EML6: variants seen among roughly 807,000 people sequenced by gnomAD.
EML6 encodes the protein EMAP like 6, also known as echinoderm microtubule-associated protein-like 6.
EML6 carries 154 observed loss-of-function variants against 240.1 expected under a neutral mutation model. The ratio of observed to expected loss-of-function variants is 0.64; its 90% CI spans 0.56 to 0.73. The LOEUF (loss-of-function observed/expected upper bound fraction) is 0.73. Among genes scored for constraint, EML6 ranks in the 30% least tolerant of loss-of-function variants. EML6 has a pLI of 0.00. For missense variants in EML6, 2,964 were observed against 2,474.6 expected (o/e 1.20, Z -4.20); for synonymous variants, 1,148 against 899.0 (o/e 1.28, Z -4.95).
chr2:54,869,204 A>G lies in EML6; in HGVS notation c.2075A>G (p.Asn692Ser). Residue 692 changes from asparagine (N) to serine (S), a missense_variant, in exon 15 of 42, where the codon AAC becomes AGC. Asn to Ser is a conservative substitution (Grantham distance 46). Coordinates refer to ENST00000356458, the MANE Select transcript of EML6 (RefSeq NM_001039753.4). ...AGTTATAGAGGCTACGACTGTAGAA[A>G]CAATCTGTTCTACACACAAGCTGGA... The part of the protein sequence containing the change: ...IHGYRGYDCR[N>S]NLFYTQAGEV... 2 of 1,551,064 alleles carry G rather than the reference A, an allele frequency of 1.3e-6. No individual in the cohort carries two copies. Among genetic ancestry groups the G allele is most frequent in the South Asian group, 1.2e-5 (1 of 84,018 alleles).
At chr2:54,950,890 T>TC (rs1355593425) in intron 30 of EML6, 111 bp downstream of exon 30, 3 of 1,127,942 alleles carry the variant, frequency 2.7e-6, no homozygotes, top group South Asian at 1.6e-5. Context: ...ATAGAGCCAT[T>TC]CCCCCCAATT....
At position 54,844,226 on chromosome 2, in the gene EML6, G is replaced by T. The variant is rs1186363526; in HGVS notation, c.1027G>T (p.Gly343Cys). The T allele has an allele frequency of 6.4e-7, 1 of 1,551,670 alleles. No individual in the cohort carries two copies. The highest frequency in any genetic ancestry group is 8.7e-7 in the Non-Finnish European group (1 of 1,146,976). Residue 343 changes from glycine (G) to cysteine (C), a missense_variant, in exon 8 of 42, where the codon GGC becomes TGC. Transcript: ENST00000356458. ...LHPKKPLAVT[G>C]SDDRSVRLWS... ...CCCCAAGAAGCCTCTGGCTGTGACAGGCAGCGATGACCGCTCTGTCAGGTG... is the reference window on the plus strand; with the variant it reads ...CCCCAAGAAGCCTCTGGCTGTGACATGCAGCGATGACCGCTCTGTCAGGTG...
intron 41 of EML6, 59 bp downstream of exon 41, chr2:54,968,827 T>A (rs1198969619): frequency 3.3e-6 from 3 of 915,408 alleles, no homozygotes; most frequent in African/African-American, 1.6e-5. Flanking sequence ...TCCCTCCCCA[T>A]CTCAGGCATC....
At chr2:54,915,172 G>A (rs1393575575) in intron 25 of EML6, among the ~76,000 whole-genome samples, 1 of 152,170 alleles carries the variant, frequency 6.6e-6, no homozygotes. Flanking sequence ...TCCATTTTAA[G>A]TGCAATTTCT....
chr2:54,871,308 A>G (rs577868735), intron 15 of EML6, among the ~76,000 whole-genome samples, 192 bp from the exon 16 acceptor site: 1 of 152,354 alleles, frequency 6.6e-6, no homozygotes, highest in African/African-American at 2.4e-5. Flanking sequence ...TTGCCAGGAC[A>G]AGCCTCTTAG....
chr2:54,879,478 C>T, intron 16 of EML6, 69 bp from the exon 17 acceptor site: 1 of 994,912 alleles, frequency 1.0e-6, no homozygotes, highest in South Asian at 1.4e-5. Flanking sequence ...ACTTATTCCT[C>T]TTTACAGTGT....
intron 21 of EML6, among the ~76,000 whole-genome samples, chr2:54,897,041 C>G (rs993807557): frequency 2.0e-5 from 3 of 151,460 alleles, no homozygotes; most frequent in Non-Finnish European, 4.4e-5. Context: ...CAAACTAAAT[C>G]TTTTTTTTTC....
At chr2:54,966,278 G>A (rs1676743498) in intron 38 of EML6, among the ~76,000 whole-genome samples, 1 of 152,250 alleles carries the variant, frequency 6.6e-6, no homozygotes, top group Non-Finnish European at 1.5e-5. Context: ...TCTGCAGGGT[G>A]TGTAGGTGTT....
At chr2:54,901,296 G>T (rs186600162) in intron 22 of EML6, among the ~76,000 whole-genome samples, 1 of 152,216 alleles carries the variant, frequency 6.6e-6, no homozygotes, top group Non-Finnish European at 1.5e-5. Context: ...CCTCTGCCGT[G>T]TTGCCTGTCT....
chr2:54,919,767 C>G (rs976976112), intron 26 of EML6, among the ~76,000 whole-genome samples: 1 of 152,196 alleles, frequency 6.6e-6, no homozygotes, highest in African/African-American at 2.4e-5. Context: ...ACTTCCCCTA[C>G]CTGACAAGGT....
chr2:54,913,596 G>A (rs922461505), intron 25 of EML6, among the ~76,000 whole-genome samples: 105 of 152,094 alleles, frequency 6.9e-4, no homozygotes, highest in African/African-American at 2.5e-3. Context: ...CCATTCTGTA[G>A]GTTGTCTGTT....
intron 28 of EML6, among the ~76,000 whole-genome samples, chr2:54,929,248 A>C (rs1409944964): frequency 6.6e-6 from 1 of 152,224 alleles, no homozygotes; most frequent in East Asian, 1.9e-4. Context: ...AGATTTGTCC[A>C]GGTGGGTTTG....
chr2:54,865,270 C>G lies in EML6; in HGVS notation c.1932+1381C>G, dbSNP rs971859085. ...TTGGGAGGACAAAGTGGGAGCATCA[C>G]TTGAGACCAGGAGCTTGAGACCAGC... On this transcript the variant is annotated intron_variant, in intron 13 of 41. Transcript: ENST00000356458. 2.0e-5 allele frequency among the ~76,000 whole-genome samples: 3 copies of G among 148,852 alleles called. No individual in the cohort carries two copies. In the Admixed American group the frequency reaches 2.0e-4, roughly 10 times the overall value.
intron 8 of EML6, 145 bp from the exon 9 acceptor site, chr2:54,847,341 C>T (rs1669819557): frequency 2.8e-6 from 2 of 704,916 alleles, no homozygotes; most frequent in Non-Finnish European, 4.4e-6. Flanking sequence ...CACTCGCTGA[C>T]AGGCCATGAT....
intron 28 of EML6, among the ~76,000 whole-genome samples, chr2:54,948,237 GA>G (rs1262337897): frequency 2.0e-5 from 3 of 152,268 alleles, no homozygotes; most frequent in African/African-American, 7.2e-5. Context: ...ACGGAGGCGG[GA>G]AAAGCAACCT....
intron 25 of EML6, among the ~76,000 whole-genome samples, chr2:54,914,196 G>A (rs1415113207): frequency 6.6e-6 from 1 of 152,100 alleles, no homozygotes; most frequent in East Asian, 1.9e-4. Context: ...CCTCATAACA[G>A]CTTTACATGA....
chr2:54,786,830 G>C lies in EML6; in HGVS notation c.198-26402G>C, dbSNP rs371520240. On this transcript the variant is annotated intron_variant, in intron 2 of 41. Coordinates refer to ENST00000356458, the MANE Select transcript of EML6 (RefSeq NM_001039753.4). Reference sequence around the variant, plus strand: ...TTCCTCGGAATTCATTCCCACACAGGTTCCCCAAATATATACTGGACAAGT... The same window carrying C: ...TTCCTCGGAATTCATTCCCACACAGCTTCCCCAAATATATACTGGACAAGT... Among the ~76,000 whole-genome samples the C allele has an allele frequency of 7.2e-5, 11 of 152,252 alleles. No homozygotes were observed. The South Asian group carries it at 2.1e-3, about 29-fold the overall frequency.
At chr2:54,963,556 C>T (rs1204491684) in intron 36 of EML6, among the ~76,000 whole-genome samples, 1 of 151,940 alleles carries the variant, frequency 6.6e-6, no homozygotes, top group Admixed American at 6.6e-5. Flanking sequence ...GAGGCAGAAG[C>T]TCACACTCTT....
At position 54,725,932 on chromosome 2, in the gene EML6, C is replaced by T. The variant is rs868238532; in HGVS notation, c.197+674C>T. ...CCACACAATGACCAACATCTGCTAGCGGATGGCCCAAGACTGACTGACAGG... is the reference window on the plus strand; with the variant it reads ...CCACACAATGACCAACATCTGCTAGTGGATGGCCCAAGACTGACTGACAGG... On this transcript the variant is annotated intron_variant, in intron 2 of 41. Transcript: ENST00000356458. This position sits in a 1 kb window ranked among gnomAD's most constrained non-coding sequence, Gnocchi z 4.3. 6.6e-5 allele frequency among the ~76,000 whole-genome samples: 10 copies of T among 151,924 alleles called. No homozygotes were observed. The South Asian group carries it at 1.2e-3, about 19-fold the overall frequency.
Sources: gnomAD v4.1 joint callset for allele counts (sites outside exome capture counted in the v4.1 genomes callset) on GRCh38, gnomAD v4.1.1 for gene constraint, Gnocchi (gnomAD v3.1) non-coding constraint, MANE v1.5 for transcripts, NCBI Gene and HGNC (gene_info 2026-07-23, HGNC 2026-07-21) for gene names.